RAD21: variants seen among roughly 807,000 people sequenced by gnomAD.
RAD21 encodes the protein double-strand-break repair protein rad21 homolog.
A neutral mutation model predicts 71.5 loss-of-function variants in RAD21; 18 were observed. The observed-to-expected ratio is 0.25, with a 90% confidence interval of 0.17 to 0.37. The LOEUF (loss-of-function observed/expected upper bound fraction) is 0.37. RAD21 is among the 10% of genes least tolerant of loss of function. The pLI is 1.00. For synonymous variants in RAD21, 248 were observed against 254.0 expected (o/e 0.98, Z 0.22); for missense variants, 493 against 769.1 (o/e 0.64, Z 4.25).
At chr8:116,872,368 G>T (rs955930246) in intron 1 of RAD21, among the ~76,000 whole-genome samples, 1 of 152,086 alleles carries the variant, frequency 6.6e-6, no homozygotes, top group African/African-American at 2.4e-5. Context: ...GTGCAAAAAA[G>T]TTGGAGTTTT....
At chr8:116,860,544 C>CA (rs1007644975) in intron 4 of RAD21, among the ~76,000 whole-genome samples, 1 of 152,096 alleles carries the variant, frequency 6.6e-6, no homozygotes, top group Non-Finnish European at 1.5e-5. Flanking sequence ...CCTCCACCAG[C>CA]AAAAAAACTG....
intron 3 of RAD21, 85 bp downstream of exon 3, chr8:116,863,045 A>C (rs1812623041): frequency 2.1e-6 from 3 of 1,449,966 alleles, no homozygotes; most frequent in African/African-American, 2.8e-5. Context: ...AGATTTAGAA[A>C]ATGTGTTTAG....
At position 116,847,528 on chromosome 8, in the gene RAD21, G is replaced by A. The variant is rs1812271623; in HGVS notation, c.1868C>T (p.Thr623Ile). Residue 623 changes from threonine to isoleucine, a missense_variant, in exon 14 of 14, where the codon ACA (threonine) becomes ATA (isoleucine). Thr to Ile is a moderately conservative substitution (Grantham distance 89). Transcript: ENST00000297338. ...QEEPYSDIIA[T>I]PGPRFHII ...TATAATATGGAACCTTGGTCCAGGT[G>A]TTGCGATGATGTCACTGTACGGTTC... 6.2e-7 allele frequency: 1 copy of A among 1,612,854 alleles called. No homozygotes were observed. Among genetic ancestry groups the A allele is most frequent in the East Asian group, 2.2e-5 (1 of 44,866 alleles).
At chr8:116,859,194 T>C (rs2130472723) in intron 4 of RAD21, among the ~76,000 whole-genome samples, 2 of 152,186 alleles carry the variant, frequency 1.3e-5, no homozygotes, top group Admixed American at 1.3e-4. Flanking sequence ...TGCACTTTGT[T>C]TTACTGAGTT....
At chr8:116,861,334 A>G (rs1030671626) in intron 4 of RAD21, among the ~76,000 whole-genome samples, 2 of 151,736 alleles carry the variant, frequency 1.3e-5, no homozygotes, top group Non-Finnish European at 1.5e-5. Context: ...GTACTCTGCT[A>G]TAACAGCCAT....
intron 9 of RAD21, among the ~76,000 whole-genome samples, chr8:116,853,803 A>G (rs571382789): frequency 2.6e-5 from 4 of 152,288 alleles, no homozygotes; most frequent in African/African-American, 9.6e-5. Context: ...GTGGAATGTG[A>G]GCAGAAAAGA....
chr8:116,848,973 C>A lies in RAD21; in HGVS notation c.1677G>T (p.Arg559Ser), dbSNP rs754736064. 6.2e-7 allele frequency: 1 copy of A among 1,607,616 alleles called. No homozygotes were observed. Among genetic ancestry groups the A allele is most frequent in the Non-Finnish European group, 8.5e-7 (1 of 1,176,878 alleles). Reference protein sequence around the residue: ...QDQEERRWNKRTQQMLHGLQR... With the variant: ...QDQEERRWNKSTQQMLHGLQR... ...GAAGACCATGAAGCATCTGCTGAGT[C>A]CTTTTGTTCCATCTTCTTTCTTCCT... The change falls in exon 13 of 14, where the codon AGG becomes AGT. Residue 559 changes from arginine (R) to serine (S), a missense_variant. Physicochemically the swap from Arg to Ser is moderately radical, Grantham distance 110. Around this residue, in one of 5 missense-constraint regions of RAD21, gnomAD observed 225 missense variants for 218.3 expected, o/e 1.03. Transcript: ENST00000297338.
At chr8:116,856,034 C>T (rs1812456193) in intron 8 of RAD21, 132 bp downstream of exon 8, 5 of 1,045,834 alleles carry the variant, frequency 4.8e-6, no homozygotes, top group Non-Finnish European at 4.0e-6. Flanking sequence ...GATCAGTAGA[C>T]AGGCCAAAAA....
intron 1 of RAD21, among the ~76,000 whole-genome samples, chr8:116,870,833 T>A (rs1190856593): frequency 1.3e-5 from 2 of 152,230 alleles, no homozygotes; most frequent in Admixed American, 6.5e-5. Flanking sequence ...ATCTCATAAT[T>A]GGCATATGTA....
rs571133320 is a variant in RAD21, at chr8:116,867,799, C to A, written c.-32-1038G>T. Reference sequence around the variant, plus strand: ...AGCAGGTCCCATGTACTTTTTTAAACCTAGTTTCTCCCAATGGTGACATCT... The same window carrying A: ...AGCAGGTCCCATGTACTTTTTTAAAACTAGTTTCTCCCAATGGTGACATCT... On this transcript the variant is annotated intron_variant, in intron 1 of 13. Coordinates refer to ENST00000297338, the MANE Select transcript of RAD21 (RefSeq NM_006265.3). Among the ~76,000 whole-genome samples the A allele has an allele frequency of 3.9e-5, 6 of 152,218 alleles. No individual in the cohort carries two copies. In the South Asian group the frequency reaches 1.2e-3, roughly 32 times the overall value.
rs768652610 is a variant in RAD21, at chr8:116,858,480, A to AT, written c.375-23dup. 10 of 1,582,680 alleles carry AT rather than the reference A, an allele frequency of 6.3e-6. No individual in the cohort carries two copies. The East Asian group carries it at 2.2e-4, about 35-fold the overall frequency. The stretch of plus-strand genomic sequence containing the variant: ...GTCACTTTAAAAGAAGGTCAAATAC[A>AT]TTTTAGTTTCAAGTCTATGTATAAG... On this transcript the variant is annotated intron_variant, in intron 4 of 13. Transcript: ENST00000297338.
chr8:116,847,062 A>C lies in RAD21; in HGVS notation c.*438T>G. On this transcript the variant is annotated 3_prime_UTR_variant, in exon 14 of 14. Coordinates refer to ENST00000297338, the MANE Select transcript of RAD21 (RefSeq NM_006265.3). Reference sequence around the variant, plus strand: ...GATTGCCAGTGTTACTGATGGAAAGAAGTGTTTGTTTGTTTTTTTTTCTTG... The same window carrying C: ...GATTGCCAGTGTTACTGATGGAAAGCAGTGTTTGTTTGTTTTTTTTTCTTG... The C allele has an allele frequency of 4.4e-6, 1 of 227,238 alleles. No individual in the cohort carries two copies. Among genetic ancestry groups the C allele is most frequent in the East Asian group, 6.4e-5 (1 of 15,536 alleles). 14.1% of individuals were successfully genotyped at this position (227,238 alleles called of 1,614,324 possible). A position where few individuals can be genotyped will look rare whatever the true frequency, so the allele number is the denominator to read the frequency against.
chr8:116,866,254 G>GC (rs1812688807), intron 2 of RAD21, among the ~76,000 whole-genome samples: 1 of 142,758 alleles, frequency 7.0e-6, no homozygotes, highest in South Asian at 2.2e-4. Flanking sequence ...TTCCACGTCG[G>GC]TTTTTTTTTT....
intron 13 of RAD21, 29 bp from the exon 14 acceptor site, chr8:116,847,720 A>T: frequency 6.3e-7 from 1 of 1,578,744 alleles, no homozygotes; most frequent in Non-Finnish European, 8.7e-7. Context: ...AGGGTAACTT[A>T]ATCTGTATAA....
intron 12 of RAD21, among the ~76,000 whole-genome samples, chr8:116,850,217 C>T (rs1812319447): frequency 6.6e-6 from 1 of 152,010 alleles, no homozygotes; most frequent in Non-Finnish European, 1.5e-5. Flanking sequence ...AAAACAAAAC[C>T]CAGACAAGTG....
chr8:116,848,258 A>G (rs1238248002), intron 13 of RAD21, among the ~76,000 whole-genome samples: 1 of 152,228 alleles, frequency 6.6e-6, no homozygotes, highest in Non-Finnish European at 1.5e-5. Context: ...TTCTCATGTT[A>G]ATCAAGAGGG....
Position 116,857,403 on chromosome 8 carries a change from T to C in RAD21, c.552A>G (p.Val184=). The part of the protein sequence containing the change: ...GSAFEDDDML[V]STTTSNLLLE... ...ATAGGAGGTTAGAAGTAGTAGTGCT[T>C]ACTAACATGTCGTCATCCTCAAAAG... The change falls in exon 6 of 14, where the codon GTA becomes GTG. Residue 184 remains valine (V), a synonymous_variant. Transcript: ENST00000297338. The C allele has an allele frequency of 6.2e-7, 1 of 1,613,456 alleles. No individual in the cohort carries two copies. Among genetic ancestry groups the C allele is most frequent in the African/African-American group, 1.3e-5 (1 of 75,018 alleles).
intron 4 of RAD21, among the ~76,000 whole-genome samples, chr8:116,860,568 G>T (rs997614765): frequency 5.3e-5 from 8 of 152,128 alleles, no homozygotes; most frequent in African/African-American, 1.9e-4. Flanking sequence ...CTTGCTGAAG[G>T]CTCAGATGAT....
rs534978550 is a variant in RAD21 at position 116,873,214 on chromosome 8, G to T, written c.-33+1397C>A. Among the ~76,000 whole-genome samples, 4 of 152,194 alleles carry T rather than the reference G, an allele frequency of 2.6e-5. No individual in the cohort carries two copies. In the South Asian group the frequency reaches 8.3e-4, roughly 32 times the overall value. On this transcript the variant is annotated intron_variant, in intron 1 of 13. Coordinates refer to ENST00000297338, the MANE Select transcript of RAD21 (RefSeq NM_006265.3). ...ACTGTAAAAGCGTTTCTTAGAATTT[G>T]TATGTTTCACAAAATAATTCACCAG...
Sources: gnomAD v4.1 joint callset for allele counts (sites outside exome capture counted in the v4.1 genomes callset) on GRCh38, gnomAD v4.1.1 for gene constraint, gnomAD v4.1.1 regional missense constraint, MANE v1.5 for transcripts, NCBI Gene and HGNC (gene_info 2026-07-23, HGNC 2026-07-21) for gene names.